CDH22: variants seen among roughly 807,000 people sequenced by gnomAD.
CDH22 encodes cadherin 22, also known as cadherin-22.
In CDH22, 30 loss-of-function variants were observed where a neutral mutation model predicts 58.4. The ratio of observed to expected loss-of-function variants is 0.51; its 90% CI spans 0.38 to 0.70. The LOEUF (loss-of-function observed/expected upper bound fraction) is 0.70, where lower values mean the gene tolerates loss of function less well. Among genes scored for constraint, CDH22 ranks in the 30% least tolerant of loss-of-function variants. The pLI is 0.00. For synonymous variants in CDH22, 513 were observed against 558.2 expected (o/e 0.92, Z 1.14); for missense variants, 1,014 against 1,233.9 (o/e 0.82, Z 2.67).
At chr20:46,259,345 T>G (rs1472046148) in intron 1 of CDH22, among the ~76,000 whole-genome samples, 1 of 152,206 alleles carries the variant, frequency 6.6e-6, no homozygotes, top group Non-Finnish European at 1.5e-5. Flanking sequence ...CCTGGCAAGT[T>G]TCACAAATAA....
At position 46,186,921 on chromosome 20, in the gene CDH22, A is replaced by G. The variant is rs1005896579; in HGVS notation, c.1450T>C (p.Ser484Pro). The change falls in exon 9 of 12, where the codon TCC becomes CCC. Residue 484 changes from serine to proline, a missense_variant. Transcript: ENST00000537909. The part of the protein sequence containing the change: ...ADNHAQLSRA[S>P]LRIRILDVND... ...ACATCCAGGATTCGGATCCTTAGGG[A>G]TGCCCGGGATAGCTGTGCATGATTG... 6.2e-7 allele frequency: 1 copy of G among 1,607,766 alleles called. No homozygotes were observed.
intron 10 of CDH22, among the ~76,000 whole-genome samples, chr20:46,183,930 C>T (rs960465472): frequency 6.6e-6 from 1 of 152,160 alleles, no homozygotes; most frequent in Non-Finnish European, 1.5e-5. Flanking sequence ...ATTCCTAATC[C>T]ACCCCAGTCC....
rs1238454954 is a variant in CDH22, at chr20:46,227,624, G to A, written c.554C>T (p.Thr185Met). 4 of 1,611,366 alleles carry A rather than the reference G, an allele frequency of 2.5e-6. No homozygotes were observed. The highest frequency in any genetic ancestry group is 2.2e-5 in the East Asian group (1 of 44,702). Residue 185 changes from threonine (T) to methionine (M), a missense_variant, in exon 4 of 12, where the codon ACG (threonine) becomes ATG (methionine). Physicochemically the swap from Thr to Met is moderately conservative, Grantham distance 81. This residue lies in a region of CDH22 where 806 missense variants were observed against 1,038.7 expected (regional missense o/e 0.78). Transcript: ENST00000537909. The part of the protein sequence containing the change: ...GSVAELSPTG[T>M]SVMQVMASDA... ...CGAGGCCATCACCTGCATCACCGACGTGCCTGGGCCCGGGGGACCAAGCGA... is the reference window on the plus strand; with the variant it reads ...CGAGGCCATCACCTGCATCACCGACATGCCTGGGCCCGGGGGACCAAGCGA...
intron 3 of CDH22, among the ~76,000 whole-genome samples, chr20:46,230,962 G>A (rs1600707966): frequency 6.6e-6 from 1 of 152,184 alleles, no homozygotes; most frequent in Non-Finnish European, 1.5e-5. Flanking sequence ...GAGGAGGAGG[G>A]GCTGCTTGGA....
chr20:46,181,517 G>A (rs2085783515), intron 10 of CDH22, among the ~76,000 whole-genome samples: 1 of 152,090 alleles, frequency 6.6e-6, no homozygotes, highest in Non-Finnish European at 1.5e-5. Context: ...CGAGGCTGGA[G>A]GAGGAGGCAG....
chr20:46,268,823 G>C (rs1423019699), intron 1 of CDH22, among the ~76,000 whole-genome samples: 3 of 151,926 alleles, frequency 2.0e-5, no homozygotes, highest in Admixed American at 1.3e-4. Flanking sequence ...ATATAGATGG[G>C]CAAACTGGGG....
At chr20:46,208,585 T>TTTAA (rs979242400) in intron 7 of CDH22, among the ~76,000 whole-genome samples, 1 of 151,996 alleles carries the variant, frequency 6.6e-6, no homozygotes, top group Non-Finnish European at 1.5e-5. Context: ...TTTAGTTTAT[T>TTTAA]TTAATTAATT....
In CDH22 at chr20:46,216,700, C is replaced by T. The variant is rs2086087525; in HGVS notation, c.838+126G>A. 1.1e-6 allele frequency: 1 copy of T among 916,458 alleles called. No individual in the cohort carries two copies. Among genetic ancestry groups the T allele is most frequent in the Non-Finnish European group, 1.7e-6 (1 of 591,122 alleles). The allele number at this position is 916,458 out of a possible 1,614,324, so 56.8% of individuals were successfully genotyped here. Reference sequence around the variant, plus strand: ...TGGCTTGGGAGGACAGACAGACAGACAGAAAGAGAGGGGGAAGCCCTTCTT... The same window carrying T: ...TGGCTTGGGAGGACAGACAGACAGATAGAAAGAGAGGGGGAAGCCCTTCTT... On this transcript the variant is annotated intron_variant, in intron 5 of 11. Coordinates refer to ENST00000537909, the MANE Select transcript of CDH22 (RefSeq NM_021248.3). The surrounding 1 kb of genome is among the most constrained non-coding windows in gnomAD (Gnocchi z 5.3).
intron 4 of CDH22, among the ~76,000 whole-genome samples, chr20:46,221,281 T>C (rs1368348255): frequency 4.2e-3 from 11 of 2,594 alleles, no homozygotes; most frequent in Admixed American, 0.014. Context: ...TTTTTTTTTC[T>C]TTTTTTTTTT....
chr20:46,189,914 T>C (rs2085851721), intron 8 of CDH22, among the ~76,000 whole-genome samples: 1 of 152,042 alleles, frequency 6.6e-6, no homozygotes, highest in African/African-American at 2.4e-5. Context: ...TGGAGAGCCT[T>C]TAAAAACACC....
intron 1 of CDH22, among the ~76,000 whole-genome samples, chr20:46,281,445 A>T (rs1169968273): frequency 1.9e-5 from 2 of 104,744 alleles, no homozygotes; most frequent in African/African-American, 5.3e-5. Flanking sequence ...CGTGTTTTGT[A>T]AATGGAAAAA....
At chr20:46,295,590 C>T (rs2086625592) in intron 1 of CDH22, among the ~76,000 whole-genome samples, 2 of 152,146 alleles carry the variant, frequency 1.3e-5, no homozygotes, top group South Asian at 4.1e-4. Context: ...GGACAGGCAG[C>T]TAGGAAGGGG....
intron 10 of CDH22, among the ~76,000 whole-genome samples, chr20:46,185,594 G>A (rs190218030): frequency 8.1e-4 from 124 of 152,236 alleles, no homozygotes; most frequent in Admixed American, 2.4e-3. Context: ...TGGGCCTGGC[G>A]TGGTGTCTCA....
chr20:46,256,044 A>C (rs1439906243), intron 1 of CDH22, among the ~76,000 whole-genome samples: 1 of 152,220 alleles, frequency 6.6e-6, no homozygotes, highest in Non-Finnish European at 1.5e-5. Context: ...ATGGGCCTAC[A>C]TATATGCCTA....
chr20:46,245,921 T>C (rs980936566), intron 2 of CDH22, among the ~76,000 whole-genome samples: 1 of 152,100 alleles, frequency 6.6e-6, no homozygotes, highest in African/African-American at 2.4e-5. Context: ...ACACAGGTAA[T>C]GAGAGACGGC....
chr20:46,264,170 C>T (rs929878425), intron 1 of CDH22, among the ~76,000 whole-genome samples: 4 of 152,238 alleles, frequency 2.6e-5, no homozygotes, highest in Non-Finnish European at 5.9e-5. Context: ...TGTGCATTAG[C>T]TTATTTATTC....
chr20:46,186,846 C>G lies in CDH22; in HGVS notation c.1525G>C (p.Glu509Gln). The G allele has an allele frequency of 6.2e-7, 1 of 1,608,528 alleles. No homozygotes were observed. Among genetic ancestry groups the G allele is most frequent in the Non-Finnish European group, 8.5e-7 (1 of 1,177,172 alleles). Residue 509 changes from glutamate (E) to glutamine (Q), a missense_variant, in exon 9 of 12, where the codon GAG becomes CAG. Transcript: ENST00000537909. ...GGTACCTGGCCTGGCTTGGCATCCTCGCATACAGCTGCCTCGTAGGGTGTG... is the reference window on the plus strand; with the variant it reads ...GGTACCTGGCCTGGCTTGGCATCCTGGCATACAGCTGCCTCGTAGGGTGTG... ...LATPYEAAVCEDAKPGQLIQT... is the reference protein window; with the variant it reads ...LATPYEAAVCQDAKPGQLIQT...
rs369732388 is a variant in CDH22 at position 46,293,798 on chromosome 20, C to T, written c.-400+14457G>A. ...TTCGAAGGCCAAGGCGGGCGTATCA[C>T]GAGGTCAGGAGTTTGAGACCAGCCT... On this transcript the variant is annotated intron_variant, in intron 1 of 11. Coordinates refer to ENST00000537909, the MANE Select transcript of CDH22 (RefSeq NM_021248.3). Among the ~76,000 whole-genome samples, 265 of 152,242 alleles carry T rather than the reference C, an allele frequency of 1.7e-3. 1 individual carries two copies. In the Middle Eastern group the frequency reaches 0.02, roughly 12 times the overall value.
At chr20:46,284,133 G>C (rs1404533427) in intron 1 of CDH22, among the ~76,000 whole-genome samples, 2 of 152,048 alleles carry the variant, frequency 1.3e-5, no homozygotes, top group Non-Finnish European at 2.9e-5. Flanking sequence ...GTAGTGACAA[G>C]CTGCCTATAC....
Sources: gnomAD v4.1 joint callset for allele counts (sites outside exome capture counted in the v4.1 genomes callset) on GRCh38, gnomAD v4.1.1 for gene constraint, gnomAD v4.1.1 regional missense constraint, Gnocchi (gnomAD v3.1) non-coding constraint, MANE v1.5 for transcripts, NCBI Gene and HGNC (gene_info 2026-07-23, HGNC 2026-07-21) for gene names.